The following SEMA5A variants were observed in gnomAD, a reference collection of about 807,000 sequenced individuals.
SEMA5A encodes semaphorin-5A.
SEMA5A carries 55 observed loss-of-function variants against 135.5 expected under a neutral mutation model. The ratio of observed to expected loss-of-function variants is 0.41; its 90% CI spans 0.33 to 0.51. The LOEUF (loss-of-function observed/expected upper bound fraction) is 0.51. SEMA5A is among the 20% of genes least tolerant of loss of function. The pLI is 0.37. For missense variants in SEMA5A, 1,290 were observed against 1,419.9 expected (o/e 0.91, Z 1.47); for synonymous variants, 580 against 546.5 (o/e 1.06, Z -0.85).
chr5:9,459,367 T>A (rs916528322), intron 1 of SEMA5A, among the ~76,000 whole-genome samples: 3 of 152,248 alleles, frequency 2.0e-5, no homozygotes, highest in Non-Finnish European at 4.4e-5. Context: ...AGCACCCATC[T>A]TGGCAGCTTC....
At chr5:9,465,433 A>G (rs1329820265) in intron 1 of SEMA5A, among the ~76,000 whole-genome samples, 4 of 152,244 alleles carry the variant, frequency 2.6e-5, no homozygotes, top group East Asian at 1.9e-4. Context: ...ATATTAATAC[A>G]GTCAGCCCTC....
In SEMA5A at chr5:9,054,189, T is replaced by C. The variant is rs368086145; in HGVS notation, c.2587A>G (p.Met863Val). 1.4e-5 allele frequency: 23 copies of C among 1,613,916 alleles called. No homozygotes were observed. The highest frequency in any genetic ancestry group is 1.6e-4 in the Middle Eastern group (1 of 6,084). ...CSATCGGGHY[M>V]RTRSCSNPAP... The stretch of plus-strand genomic sequence containing the variant: ...GGATTGGAGCAAGAGCGGGTCCTCA[T>C]ATAGTGTCCACCGCCGCATGTTGCT... Residue 863 changes from methionine to valine, a missense_variant, in exon 19 of 23, where the codon ATG becomes GTG. Transcript: ENST00000382496.
intron 16 of SEMA5A, among the ~76,000 whole-genome samples, chr5:9,092,061 C>T (rs1201432342): frequency 6.6e-6 from 1 of 152,168 alleles, no homozygotes; most frequent in African/African-American, 2.4e-5. Context: ...GTCTTGGGAT[C>T]TTTCTGATTC....
chr5:9,099,429 G>C (rs1041940003), intron 16 of SEMA5A, among the ~76,000 whole-genome samples: 3 of 152,134 alleles, frequency 2.0e-5, no homozygotes, highest in African/African-American at 7.2e-5. Context: ...TCCAGTTTCA[G>C]CAAGGGAGAT....
intron 2 of SEMA5A, among the ~76,000 whole-genome samples, chr5:9,427,789 A>G (rs1300064048): frequency 6.6e-6 from 1 of 152,182 alleles, no homozygotes; most frequent in Non-Finnish European, 1.5e-5. Context: ...TTCCTCTAGT[A>G]GGTGGATCCT....
At chr5:9,486,744 T>G (rs1734749122) in intron 1 of SEMA5A, among the ~76,000 whole-genome samples, 1 of 151,914 alleles carries the variant, frequency 6.6e-6, no homozygotes, top group South Asian at 2.1e-4. Context: ...ACATATAAAG[T>G]GATGAAATTC....
At chr5:9,429,091 C>T (rs960899043) in intron 2 of SEMA5A, among the ~76,000 whole-genome samples, 2 of 151,976 alleles carry the variant, frequency 1.3e-5, no homozygotes, top group Admixed American at 1.3e-4. Context: ...ATTCATCCGG[C>T]CATGGAGAAG....
At chr5:9,263,851 G>A (rs1341116483) in intron 5 of SEMA5A, among the ~76,000 whole-genome samples, 1 of 152,140 alleles carries the variant, frequency 6.6e-6, no homozygotes, top group Non-Finnish European at 1.5e-5. Flanking sequence ...ATTTCTCAAT[G>A]TGCACTGCAT....
chr5:9,116,456 A>G (rs949709776), intron 15 of SEMA5A, among the ~76,000 whole-genome samples: 2 of 152,192 alleles, frequency 1.3e-5, no homozygotes, highest in Non-Finnish European at 2.9e-5. Context: ...GAAACTGTCT[A>G]TACATTTTAA....
chr5:9,448,623 T>C (rs981832191), intron 1 of SEMA5A, among the ~76,000 whole-genome samples: 1 of 152,242 alleles, frequency 6.6e-6, no homozygotes, highest in Non-Finnish European at 1.5e-5. Flanking sequence ...CCTCTCCTCG[T>C]GGTACCTGTG....
At chr5:9,207,888 G>C (rs62341020) in intron 8 of SEMA5A, among the ~76,000 whole-genome samples, 5,291 of 57,738 alleles carry the variant, frequency 0.092, 288 homozygotes, top group East Asian at 0.42. Context: ...TAGATAGATA[G>C]ATAGATAGAT....
intron 1 of SEMA5A, among the ~76,000 whole-genome samples, chr5:9,451,103 A>G (rs1356169113): frequency 1.3e-5 from 2 of 152,106 alleles, no homozygotes; most frequent in African/African-American, 4.8e-5. Flanking sequence ...TAATATACAG[A>G]CTCAAGGGTT....
At chr5:9,122,005 G>A (rs1740838435) in intron 14 of SEMA5A, among the ~76,000 whole-genome samples, 1 of 152,094 alleles carries the variant, frequency 6.6e-6, no homozygotes, top group South Asian at 2.1e-4. Context: ...AAGTGACAAA[G>A]AAGCATAAAG....
At chr5:9,544,764 A>G (rs1344294861) in intron 1 of SEMA5A, among the ~76,000 whole-genome samples, 1 of 152,220 alleles carries the variant, frequency 6.6e-6, no homozygotes, top group East Asian at 1.9e-4. Flanking sequence ...CTTCCCGCCA[A>G]AGCCAGGGGA....
At chr5:9,266,156 G>T (rs1317792440) in intron 5 of SEMA5A, among the ~76,000 whole-genome samples, 2 of 152,192 alleles carry the variant, frequency 1.3e-5, no homozygotes, top group Non-Finnish European at 2.9e-5. Context: ...AGCAGGGAAT[G>T]GTTCGAGTCT....
chr5:9,253,011 C>T (rs1277632994), intron 5 of SEMA5A, among the ~76,000 whole-genome samples: 2 of 152,150 alleles, frequency 1.3e-5, no homozygotes, highest in African/African-American at 4.8e-5. Flanking sequence ...GAGTATCCAC[C>T]TCATTAGAGT....
chr5:9,415,473 G>C (rs1757252374), intron 2 of SEMA5A, among the ~76,000 whole-genome samples: 1 of 152,156 alleles, frequency 6.6e-6, no homozygotes, highest in Non-Finnish European at 1.5e-5. Flanking sequence ...AATTATCAAA[G>C]AATGCTTAGG....
At chr5:9,176,741 G>A (rs1458616702) in intron 11 of SEMA5A, among the ~76,000 whole-genome samples, 1 of 152,152 alleles carries the variant, frequency 6.6e-6, no homozygotes, top group Admixed American at 6.5e-5. Context: ...GTCAGAGGTT[G>A]GCCCCTGACC....
At chr5:9,344,507 T>C (rs764858718) in intron 3 of SEMA5A, among the ~76,000 whole-genome samples, 15 of 152,144 alleles carry the variant, frequency 9.9e-5, no homozygotes, top group Non-Finnish European at 1.6e-4. Context: ...AATTTCCAGA[T>C]AGGAGACAGG....
Sources: allele counts gnomAD v4.1 joint callset (sites outside exome capture counted in the v4.1 genomes callset), GRCh38; gene constraint gnomAD v4.1.1; transcripts MANE v1.5; gene names NCBI Gene and HGNC (gene_info 2026-07-23, HGNC 2026-07-21).